SNX2: variants seen among roughly 807,000 people sequenced by gnomAD.
SNX2 encodes sorting nexin 2, also known as sorting nexin-2.
In SNX2, 25 loss-of-function variants were observed where a neutral mutation model predicts 69.9. The ratio of observed to expected loss-of-function variants is 0.36; its 90% CI spans 0.26 to 0.50. SNX2 has a LOEUF of 0.50. Ranked by LOEUF, SNX2 falls within the 20% of genes least tolerant of loss-of-function variation. The probability of loss-of-function intolerance (pLI) is 0.97; values close to 1 mark genes in which losing one functional copy is unlikely to be tolerated. For missense variants in SNX2, 551 were observed against 613.3 expected (o/e 0.90, Z 1.07); for synonymous variants, 229 against 200.4 (o/e 1.14, Z -1.20).
chr5:122,813,763 T>G (rs1453453746), intron 7 of SNX2, among the ~76,000 whole-genome samples: 1 of 149,702 alleles, frequency 6.7e-6, no homozygotes, highest in African/African-American at 2.5e-5. Context: ...TATTAGAATA[T>G]TTCCTTTTTT....
chr5:122,795,453 T>TA, intron 2 of SNX2, 70 bp downstream of exon 2: 2 of 1,075,738 alleles, frequency 1.9e-6, no homozygotes, highest in Non-Finnish European at 1.4e-6. Context: ...AGAAAATATC[T>TA]AAAACAAAAC....
intron 6 of SNX2, among the ~76,000 whole-genome samples, chr5:122,806,142 G>GCACGCGCACACACACACACA (rs1554063175): frequency 7.3e-4 from 95 of 130,654 alleles, no homozygotes; most frequent in African/African-American, 2.6e-3. Context: ...ACACGCGCGC[G>GCACGCGCACACACACACACA]CACACACACA....
chr5:122,814,706 T>G (rs1312516842), intron 7 of SNX2, among the ~76,000 whole-genome samples: 1 of 152,114 alleles, frequency 6.6e-6, no homozygotes, highest in Non-Finnish European at 1.5e-5. Context: ...ATATTATAAC[T>G]GAAATATTAC....
intron 1 of SNX2, 75 bp downstream of exon 1, chr5:122,775,286 C>T: frequency 3.4e-6 from 5 of 1,471,270 alleles, no homozygotes; most frequent in Non-Finnish European, 4.5e-6. Context: ...CCGACTTGTC[C>T]CTCCCCATCC....
intron 1 of SNX2, among the ~76,000 whole-genome samples, chr5:122,790,182 G>A (rs1171060102): frequency 2.6e-5 from 4 of 152,006 alleles, no homozygotes; most frequent in South Asian, 2.1e-4. Flanking sequence ...GCAGTGGTGC[G>A]ATCTCAGCTC....
At chr5:122,794,750 G>A (rs2150005409) in intron 1 of SNX2, among the ~76,000 whole-genome samples, 2 of 152,190 alleles carry the variant, frequency 1.3e-5, no homozygotes, top group African/African-American at 4.8e-5. Flanking sequence ...GGCCAGGGGT[G>A]TTGGCACACA....
intron 5 of SNX2, among the ~76,000 whole-genome samples, chr5:122,802,497 G>T (rs1753538999): frequency 6.6e-6 from 1 of 152,210 alleles, no homozygotes; most frequent in African/African-American, 2.4e-5. Context: ...GAAACGTTTG[G>T]CAGTAAGCCT....
At chr5:122,801,140 C>T (rs17449905) in intron 3 of SNX2, among the ~76,000 whole-genome samples, 4,190 of 152,156 alleles carry the variant, frequency 0.028, 73 homozygotes, top group Middle Eastern at 0.058. Context: ...GACTACCTAC[C>T]TCCTTGGTAT....
At chr5:122,785,365 C>G (rs1452109568) in intron 1 of SNX2, among the ~76,000 whole-genome samples, 2 of 151,636 alleles carry the variant, frequency 1.3e-5, no homozygotes, top group African/African-American at 2.4e-5. Context: ...CCAGGCTGCT[C>G]TTGAACTCCT....
rs1239541291 is a variant in SNX2, at chr5:122,834,004, T to C, written c.*4356T>C. On this transcript the variant is annotated 3_prime_UTR_variant, in exon 15 of 15. Coordinates refer to ENST00000379516, the MANE Select transcript of SNX2 (RefSeq NM_003100.4). ...GTTTATAACCTGTCTAGAACAACTT[T>C]CTCAATTTTACAACTAAACTAGGAG... The C allele has an allele frequency of 6.6e-6, 1 of 152,238 alleles. No homozygotes were observed. 9.4% of individuals were successfully genotyped at this position (152,238 alleles called of 1,614,324 possible).
Position 122,831,547 on chromosome 5 carries a change from A to T in SNX2, c.*1899A>T, listed in dbSNP as rs1297566771. 6.6e-6 allele frequency among the ~76,000 whole-genome samples: 1 copy of T among 152,238 alleles called. No individual in the cohort carries two copies. The highest frequency in any genetic ancestry group is 2.1e-4 in the South Asian group (1 of 4,834). On this transcript the variant is annotated 3_prime_UTR_variant, in exon 15 of 15. Coordinates refer to ENST00000379516, the MANE Select transcript of SNX2 (RefSeq NM_003100.4). ...AAAACAAAAGTTTGCTCTTCTAAAA[A>T]GAAACTGAAGCAGAAATAGTACAAT...
chr5:122,790,249 G>T (rs1338964715), intron 1 of SNX2, among the ~76,000 whole-genome samples: 5 of 152,202 alleles, frequency 3.3e-5, no homozygotes, highest in African/African-American at 9.7e-5. Context: ...CTCCCAAGTA[G>T]CTGGGACTAC....
At chr5:122,802,171 G>A (rs959799256) in intron 5 of SNX2, 47 bp downstream of exon 5, 2 of 1,436,528 alleles carry the variant, frequency 1.4e-6, no homozygotes, top group Non-Finnish European at 2.0e-6. Context: ...CTCATTATGT[G>A]TAGTATGAGG....
At chr5:122,824,949 G>A (rs989616197) in intron 11 of SNX2, among the ~76,000 whole-genome samples, 61 of 152,126 alleles carry the variant, frequency 4.0e-4, no homozygotes, top group African/African-American at 1.3e-3. Context: ...CCCACCTTTC[G>A]TATTTGGGAT....
At chr5:122,780,261 C>G (rs4836242) in intron 1 of SNX2, among the ~76,000 whole-genome samples, 30,930 of 151,834 alleles carry the variant, frequency 0.2, 3,576 homozygotes, top group East Asian at 0.46. Flanking sequence ...CAACAGAAGT[C>G]AATATAATAA....
At chr5:122,799,283 G>A (rs1375171504) in intron 2 of SNX2, among the ~76,000 whole-genome samples, 3 of 152,046 alleles carry the variant, frequency 2.0e-5, no homozygotes, top group Non-Finnish European at 2.9e-5. Flanking sequence ...TAAAATAGTT[G>A]TGGACAGACT....
In SNX2 at chr5:122,832,094, C is replaced by T. The variant is rs113815945; in HGVS notation, c.*2446C>T. 2.0e-5 allele frequency among the ~76,000 whole-genome samples: 3 copies of T among 152,278 alleles called. No individual in the cohort carries two copies. The highest frequency in any genetic ancestry group is 7.2e-5 in the African/African-American group (3 of 41,568). ...AATAGTGCTAATAATATAATCTTTT[C>T]ATTGGATAGGTCTGAGTTTAGCGTT... On this transcript the variant is annotated 3_prime_UTR_variant, in exon 15 of 15. Coordinates refer to ENST00000379516, the MANE Select transcript of SNX2 (RefSeq NM_003100.4).
chr5:122,832,736 A>AT lies in SNX2; in HGVS notation c.*3089dup, dbSNP rs1319191220. The AT allele has an allele frequency of 6.6e-6, 1 of 152,224 alleles. No homozygotes were observed. Among genetic ancestry groups the AT allele is most frequent in the African/African-American group, 2.4e-5 (1 of 41,462 alleles). The allele number at this position is 152,224 out of a possible 1,614,324, so 9.4% of individuals were successfully genotyped here. The stretch of plus-strand genomic sequence containing the variant: ...GAAGGAAAGTTATATTCCTTTACAA[A>AT]TGCTCTTAATTTTAATGTCTTAAGG... On this transcript the variant is annotated 3_prime_UTR_variant, in exon 15 of 15. Transcript: ENST00000379516.
chr5:122,784,342 GT>G, intron 1 of SNX2, among the ~76,000 whole-genome samples: 2 of 146,884 alleles, frequency 1.4e-5, no homozygotes, highest in Middle Eastern at 3.6e-3. Flanking sequence ...AAGGTTTTTT[GT>G]TTTTTTTAAT....
Sources: allele counts gnomAD v4.1 joint callset (sites outside exome capture counted in the v4.1 genomes callset), GRCh38; gene constraint gnomAD v4.1.1; transcripts MANE v1.5; gene names NCBI Gene and HGNC (gene_info 2026-07-23, HGNC 2026-07-21).